The following NAA11 variants were observed in gnomAD, a reference collection of about 807,000 sequenced individuals.
The protein encoded by NAA11 is N-alpha-acetyltransferase 11.
NAA11 carries 15 observed loss-of-function variants against 16.1 expected under a neutral mutation model. That is an observed-to-expected ratio of 0.93 (90% CI 0.62 to 1.44). The LOEUF is 1.44. NAA11 is among the 40% of genes most tolerant of loss of function. NAA11 has a pLI of 0.00. For synonymous variants in NAA11, 122 were observed against 112.4 expected (o/e 1.09, Z -0.54); for missense variants, 298 against 291.3 (o/e 1.02, Z -0.17).
At chr4:79,157,840 A>G in the NAA11 span, among the ~76,000 whole-genome samples, 112 of 152,136 alleles carry the variant, frequency 7.4e-4, no homozygotes, top group African/African-American at 2.3e-3. Flanking sequence ...CACAAGAGAA[A>G]GAAACTAGGG....
At chr4:79,312,223 A>C (rs1723791025), downstream of NAA11, among the ~76,000 whole-genome samples, 1 of 152,220 alleles carries the variant, frequency 6.6e-6, no homozygotes, top group African/African-American at 2.4e-5. Context: ...TCAAACTTTT[A>C]ATTTGTGTAC....
At chr4:79,204,505 GCCTCCCTC>G in the NAA11 span, among the ~76,000 whole-genome samples, 1 of 148,392 alleles carries the variant, frequency 6.7e-6, no homozygotes, top group Non-Finnish European at 1.5e-5. Flanking sequence ...CTTTTTTCCT[GCCTCCCTC>G]CCTCCCTCCC....
the NAA11 span, among the ~76,000 whole-genome samples, chr4:79,194,495 T>C: frequency 6.6e-6 from 1 of 152,052 alleles, no homozygotes; most frequent in Non-Finnish European, 1.5e-5. Flanking sequence ...AGTGTGACTC[T>C]GGGTGCTTAG....
chr4:79,285,063 T>C (rs186997523), intron 2 of NAA11, among the ~76,000 whole-genome samples: 210 of 152,202 alleles, frequency 1.4e-3, no homozygotes, highest in African/African-American at 4.8e-3. Context: ...TTTTGCAGCA[T>C]TGGACAGAAC....
In NAA11 at chr4:79,230,034, A is replaced by G. The variant is rs146351714; in HGVS notation, c.*123-3764T>C. Among the ~76,000 whole-genome samples the G allele has an allele frequency of 3.2e-3, 488 of 152,118 alleles. 2 individuals carry two copies. The highest frequency in any genetic ancestry group is 0.011 in the African/African-American group (463 of 41,544). On this transcript the variant is annotated intron_variant and NMD_transcript_variant, in intron 2 of 2. Coordinates refer to the NAA11 transcript ENST00000511542. ...ACTGAGAATGATGATTTCCAATTTC[A>G]TCTATGTCCCTACAAAGGACATGAA...
intron 2 of NAA11, among the ~76,000 whole-genome samples, chr4:79,254,376 CATT>C (rs1470796778): frequency 6.6e-6 from 1 of 152,156 alleles, no homozygotes; most frequent in Non-Finnish European, 1.5e-5. Context: ...ATTAAATTCT[CATT>C]ATAAGTTATC....
chr4:79,194,386 G>A, the NAA11 span, among the ~76,000 whole-genome samples: 1 of 152,070 alleles, frequency 6.6e-6, no homozygotes, highest in Non-Finnish European at 1.5e-5. Flanking sequence ...AGTGAAATAA[G>A]TACAACATAG....
chr4:79,188,273 C>T, the NAA11 span, among the ~76,000 whole-genome samples: 191 of 152,078 alleles, frequency 1.3e-3, no homozygotes, highest in African/African-American at 4.2e-3. Context: ...GTAAAAAGAG[C>T]GTTAAAATAA....
the NAA11 span, among the ~76,000 whole-genome samples, chr4:79,167,270 T>TATATATATAG: frequency 2.0e-5 from 2 of 98,482 alleles, no homozygotes; most frequent in African/African-American, 7.9e-5. Context: ...TATATATATA[T>TATATATATAG]AGAGAGAGAG....
chr4:79,226,213 TC>T (rs1721308005), exon 3 of NAA11: 1 of 152,066 alleles, frequency 6.6e-6, no homozygotes. Flanking sequence ...AGGTTCTCCA[TC>T]CTGTTGTTCC....
intron 2 of NAA11, among the ~76,000 whole-genome samples, chr4:79,236,990 A>T (rs955605251): frequency 6.6e-6 from 1 of 152,146 alleles, no homozygotes; most frequent in Non-Finnish European, 1.5e-5. Context: ...AAACTTTCAA[A>T]GGTCTTTTCT....
chr4:79,235,864 T>C (rs1227391958), intron 2 of NAA11, among the ~76,000 whole-genome samples: 1 of 151,996 alleles, frequency 6.6e-6, no homozygotes, highest in Non-Finnish European at 1.5e-5. Context: ...TTTTTATCAA[T>C]TTCTAGAAAT....
the NAA11 span, among the ~76,000 whole-genome samples, chr4:79,188,453 T>C: frequency 4.6e-5 from 7 of 151,960 alleles, no homozygotes; most frequent in South Asian, 1.5e-3. Context: ...GGCCTAGTGG[T>C]GGGCACCTGT....
Position 79,320,152 on chromosome 4 carries a change from C to A in NAA11, c.*13-2361G>T, listed in dbSNP as rs775386333. On this transcript the variant is annotated intron_variant, in intron 1 of 1. Coordinates refer to ENST00000286794, the MANE Select transcript of NAA11 (RefSeq NM_032693.3). ...CCTCAACCAGCATGTTTTGAACTGA[C>A]CTGTCTTCATTGCTATGGCTCCCAA... Among the ~76,000 whole-genome samples the A allele has an allele frequency of 2.6e-5, 4 of 152,124 alleles. No homozygotes were observed. The South Asian group carries it at 6.2e-4, about 24-fold the overall frequency.
At chr4:79,162,298 C>T in the NAA11 span, among the ~76,000 whole-genome samples, 1 of 152,074 alleles carries the variant, frequency 6.6e-6, no homozygotes, top group South Asian at 2.1e-4. Context: ...AAAGCTTGAG[C>T]ATGATCTGAA....
downstream of NAA11, among the ~76,000 whole-genome samples, chr4:79,224,485 A>G (rs191274367): frequency 1.2e-4 from 18 of 152,270 alleles, no homozygotes; most frequent in South Asian, 4.1e-4. Context: ...ACATGATTCT[A>G]TGATTCTACA....
At chr4:79,185,519 C>T in the NAA11 span, among the ~76,000 whole-genome samples, 1 of 152,166 alleles carries the variant, frequency 6.6e-6, no homozygotes, top group South Asian at 2.1e-4. Flanking sequence ...TGGGAATTTC[C>T]TAGATGATCC....
At chr4:79,250,681 A>C (rs1414622748) in intron 2 of NAA11, among the ~76,000 whole-genome samples, 1 of 152,222 alleles carries the variant, frequency 6.6e-6, no homozygotes, top group Non-Finnish European at 1.5e-5. Context: ...AACTATCAAC[A>C]AATAGGCAAC....
intron 1 of NAA11, among the ~76,000 whole-genome samples, chr4:79,302,686 G>A (rs1157279353): frequency 6.6e-6 from 1 of 152,018 alleles, no homozygotes; most frequent in Non-Finnish European, 1.5e-5. Flanking sequence ...CATAATAAAA[G>A]TGATATGTGT....
Sources: allele counts gnomAD v4.1 joint callset (sites outside exome capture counted in the v4.1 genomes callset), GRCh38; gene constraint gnomAD v4.1.1; transcripts MANE v1.5; gene names NCBI Gene and HGNC (gene_info 2026-07-23, HGNC 2026-07-21).